The following CCSER1 variants were observed in gnomAD, a reference collection of about 807,000 sequenced individuals.
The protein encoded by CCSER1 is serine-rich coiled-coil domain-containing protein 1.
A neutral mutation model predicts 82.0 loss-of-function variants in CCSER1; 41 were observed. The observed-to-expected ratio is 0.50, with a 90% CI of 0.39 to 0.65. The LOEUF (loss-of-function observed/expected upper bound fraction) is 0.65. Among genes scored for constraint, CCSER1 ranks in the 30% least tolerant of loss-of-function variants. CCSER1 has a pLI of 0.00. For missense variants in CCSER1, 1,119 were observed against 1,064.2 expected, an observed-to-expected ratio of 1.05 and a Z score of -0.72; for synonymous variants, 414 against 383.9, an observed-to-expected ratio of 1.08 and a Z score of -0.92.
intron 1 of CCSER1, among the ~76,000 whole-genome samples, chr4:90,221,041 C>T (rs940070292): frequency 2.0e-5 from 3 of 151,938 alleles, no homozygotes; most frequent in African/African-American, 4.8e-5. Context: ...TTGATTTTTA[C>T]AAAACAATAT....
At chr4:91,582,670 C>A (rs1397129723) in intron 10 of CCSER1, among the ~76,000 whole-genome samples, 1 of 151,426 alleles carries the variant, frequency 6.6e-6, no homozygotes, top group Middle Eastern at 3.4e-3. Flanking sequence ...TTTTTCATTA[C>A]TTTTCATGGC....
intron 10 of CCSER1, among the ~76,000 whole-genome samples, chr4:91,510,569 C>A (rs547142637): frequency 1.3e-5 from 2 of 152,210 alleles, no homozygotes; most frequent in African/African-American, 4.8e-5. Flanking sequence ...TATTTGCATT[C>A]TCTGATGACG....
chr4:91,586,932 T>C (rs73836251), intron 10 of CCSER1, among the ~76,000 whole-genome samples: 16,576 of 151,788 alleles, frequency 0.11, 928 homozygotes, highest in Middle Eastern at 0.18. Context: ...TTTGTGGGTA[T>C]TCCATAATAA....
At chr4:91,210,714 G>C (rs1736746507) in intron 10 of CCSER1, among the ~76,000 whole-genome samples, 1 of 151,734 alleles carries the variant, frequency 6.6e-6, no homozygotes, top group African/African-American at 2.4e-5. Flanking sequence ...GAAGATAAAA[G>C]ACAAATGACA....
At chr4:90,556,854 G>GTATA (rs56675984) in intron 5 of CCSER1, among the ~76,000 whole-genome samples, 135 of 146,108 alleles carry the variant, frequency 9.2e-4, no homozygotes, top group African/African-American at 1.7e-3. Flanking sequence ...ATCTATATGT[G>GTATA]TATATATATA....
chr4:91,577,882 A>G (rs1239817035), intron 10 of CCSER1, among the ~76,000 whole-genome samples: 1 of 152,060 alleles, frequency 6.6e-6, no homozygotes, highest in Non-Finnish European at 1.5e-5. Flanking sequence ...TGTCTAAGAC[A>G]AAACTATATG....
At chr4:91,500,919 T>C (rs1185048300) in intron 10 of CCSER1, among the ~76,000 whole-genome samples, 2 of 151,968 alleles carry the variant, frequency 1.3e-5, no homozygotes, top group African/African-American at 4.8e-5. Flanking sequence ...TGTTAGATAC[T>C]TACAATTATT....
At chr4:91,042,565 T>A (rs1406169319) in intron 9 of CCSER1, among the ~76,000 whole-genome samples, 1 of 152,202 alleles carries the variant, frequency 6.6e-6, no homozygotes, top group Non-Finnish European at 1.5e-5. Context: ...ATACAGGTAA[T>A]TCTGGTCTTT....
rs980111210 is a variant in CCSER1, at chr4:90,975,544, T to C, written c.2172+52097T>C. Among the ~76,000 whole-genome samples the C allele has an allele frequency of 4.0e-5, 6 of 151,434 alleles. No homozygotes were observed. The East Asian group carries it at 9.7e-4, about 25-fold the overall frequency. ...GTAAAGCTGTTATAAAAGAAACAGA[T>C]ACCTAATGAGTAATGAAACTGTCAA... is the stretch of plus-strand genomic sequence containing the variant. On this transcript the variant is annotated intron_variant, in intron 9 of 10. Transcript: ENST00000509176.
At chr4:91,254,694 T>C (rs1470983987) in intron 10 of CCSER1, among the ~76,000 whole-genome samples, 1 of 152,238 alleles carries the variant, frequency 6.6e-6, no homozygotes, top group East Asian at 1.9e-4. Context: ...AGATGCTAAA[T>C]TTTATGTCAT....
intron 10 of CCSER1, among the ~76,000 whole-genome samples, chr4:91,149,251 C>A (rs991954546): frequency 4.6e-5 from 7 of 152,170 alleles, no homozygotes; most frequent in Non-Finnish European, 7.3e-5. Context: ...AGCATTTGTT[C>A]ATGTGTCTGT....
chr4:90,511,666 A>G (rs1181704065), intron 5 of CCSER1, among the ~76,000 whole-genome samples: 1 of 152,214 alleles, frequency 6.6e-6, no homozygotes, highest in Non-Finnish European at 1.5e-5. Flanking sequence ...GATGCTCTGC[A>G]GATAATAAAA....
intron 10 of CCSER1, among the ~76,000 whole-genome samples, chr4:91,179,800 T>G (rs1269187536): frequency 6.6e-6 from 1 of 152,252 alleles, no homozygotes. Context: ...GAAGCCTTCT[T>G]CTCTGAACTC....
intron 4 of CCSER1, among the ~76,000 whole-genome samples, chr4:90,421,636 A>C (rs895279872): frequency 2.0e-5 from 3 of 152,208 alleles, no homozygotes; most frequent in Non-Finnish European, 4.4e-5. Context: ...GAATTGGATA[A>C]AAATAATGAT....
intron 10 of CCSER1, among the ~76,000 whole-genome samples, chr4:91,273,645 G>A (rs1488822272): frequency 1.3e-5 from 2 of 152,058 alleles, no homozygotes; most frequent in Non-Finnish European, 2.9e-5. Context: ...GTACTGTATT[G>A]AAGAGGAGTG....
At chr4:91,225,276 T>TATAA (rs1560528261) in intron 10 of CCSER1, among the ~76,000 whole-genome samples, 1 of 94,352 alleles carries the variant, frequency 1.1e-5, no homozygotes, top group African/African-American at 4.1e-5. Flanking sequence ...TTATATACAT[T>TATAA]TTATATATGT....
chr4:90,178,166 A>C (rs1733054936), intron 1 of CCSER1, among the ~76,000 whole-genome samples: 1 of 152,124 alleles, frequency 6.6e-6, no homozygotes, highest in South Asian at 2.1e-4. Context: ...AAATTGTTGT[A>C]GTGTGCTCAA....
chr4:91,403,248 A>G (rs1752461777), intron 10 of CCSER1, among the ~76,000 whole-genome samples: 1 of 152,178 alleles, frequency 6.6e-6, no homozygotes, highest in African/African-American at 2.4e-5. Context: ...TTGATTTTGT[A>G]TCCTGAGACT....
chr4:90,869,768 A>G (rs904126254), intron 8 of CCSER1, among the ~76,000 whole-genome samples: 7 of 151,804 alleles, frequency 4.6e-5, no homozygotes, highest in Admixed American at 3.9e-4. Context: ...GCTCAGGACT[A>G]CATTGAATCT....
Sources: gnomAD v4.1 joint callset for allele counts (sites outside exome capture counted in the v4.1 genomes callset) on GRCh38, gnomAD v4.1.1 for gene constraint, MANE v1.5 for transcripts, NCBI Gene and HGNC (gene_info 2026-07-23, HGNC 2026-07-21) for gene names.